The following TENM1 variants were observed in gnomAD, a reference collection of about 807,000 sequenced individuals.
TENM1 encodes teneurin transmembrane protein 1.
Under a neutral mutation model 174.8 loss-of-function variants are expected in TENM1, and 35 were observed. The observed-to-expected ratio is 0.20, with a 90% CI of 0.15 to 0.27. TENM1 has a LOEUF of 0.27. Among genes scored for constraint, TENM1 ranks in the 10% least tolerant of loss-of-function variants. The pLI, the probability that TENM1 is intolerant of heterozygous loss-of-function variation, is 1.00. For missense variants in TENM1, 1,633 were observed against 2,130.1 expected (o/e 0.77, Z 4.59); for synonymous variants, 781 against 798.7 (o/e 0.98, Z 0.37).
intron 3 of TENM1, among the ~76,000 whole-genome samples, chrX:124,819,624 A>C (rs1340314553): frequency 9.0e-6 from 1 of 110,850 alleles, no homozygotes; most frequent in Non-Finnish European, 1.9e-5. Flanking sequence ...AGGGTGGGGG[A>C]AACTGTTTCT....
At chrX:124,631,891 AAAAAAAAAAAAAAAAAAAT>A (rs1241477148) in intron 11 of TENM1, among the ~76,000 whole-genome samples, 1 of 100,501 alleles carries the variant, frequency 1.0e-5, no homozygotes, top group Non-Finnish European at 2.0e-5. Flanking sequence ...TCTGTCTCAA[AAAAAAAAAAAAAAAAAAAT>A]CCATACAGTT....
chrX:124,822,961 A>G (rs757383227), intron 3 of TENM1, among the ~76,000 whole-genome samples: 5 of 112,425 alleles, frequency 4.4e-5, no homozygotes, highest in African/African-American at 6.5e-5. Flanking sequence ...AGATATAGGA[A>G]AGTAATGGAT....
chrX:124,885,041 T>C (rs183227379), intron 3 of TENM1, among the ~76,000 whole-genome samples: 1 of 111,670 alleles, frequency 9.0e-6, no homozygotes, highest in East Asian at 2.8e-4. Context: ...TTTATGCATC[T>C]AAATATATCT....
At chrX:124,609,704 C>T (rs1012657175) in intron 11 of TENM1, among the ~76,000 whole-genome samples, 2 of 111,372 alleles carry the variant, frequency 1.8e-5, no homozygotes, top group African/African-American at 3.3e-5. Context: ...GTAGTGAAAA[C>T]CTACAGTGCA....
intron 23 of TENM1, among the ~76,000 whole-genome samples, chrX:124,436,889 CCT>C (rs1481719856): frequency 9.3e-6 from 1 of 107,615 alleles, no homozygotes; most frequent in East Asian, 2.9e-4. Context: ...TATATTAAAT[CCT>C]CTCTGTTAAA....
chrX:124,582,478 TA>T (rs1344905902), intron 11 of TENM1, among the ~76,000 whole-genome samples: 20 of 112,276 alleles, frequency 1.8e-4, no homozygotes, highest in Non-Finnish European at 3.4e-4. Flanking sequence ...TTAAGTATTT[TA>T]TTTTTTTGTG....
chrX:125,186,526 C>T, the TENM1 span, among the ~76,000 whole-genome samples: 4 of 108,751 alleles, frequency 3.7e-5, no homozygotes, highest in Non-Finnish European at 7.6e-5. Flanking sequence ...GCGTGGTGCC[C>T]TTATCATGCA....
At chrX:124,904,263 G>A (rs1277275879) in intron 1 of TENM1, among the ~76,000 whole-genome samples, 2 of 111,679 alleles carry the variant, frequency 1.8e-5, no homozygotes, top group Non-Finnish European at 3.8e-5. Flanking sequence ...ACTTTGTGAT[G>A]AATGAGTAAA....
chrX:124,399,371 C>T (rs982686318), intron 27 of TENM1, among the ~76,000 whole-genome samples: 2 of 112,089 alleles, frequency 1.8e-5, no homozygotes, highest in Admixed American at 1.9e-4. Flanking sequence ...TAATATATTG[C>T]ACCATCCATG....
chrX:125,023,041 G>A, the TENM1 span, among the ~76,000 whole-genome samples: 8 of 111,158 alleles, frequency 7.2e-5, no homozygotes, highest in Non-Finnish European at 1.5e-4. Context: ...TACACCATTT[G>A]GCTAAGTTTT....
intron 3 of TENM1, among the ~76,000 whole-genome samples, chrX:124,767,530 G>T (rs1490534296): frequency 1.8e-5 from 2 of 111,552 alleles, no homozygotes; most frequent in Admixed American, 9.6e-5. Flanking sequence ...GTGGTCATAA[G>T]AATTTTTAGA....
chrX:124,606,187 T>A (rs1263221134), intron 11 of TENM1, among the ~76,000 whole-genome samples: 2 of 110,944 alleles, frequency 1.8e-5, no homozygotes, highest in Non-Finnish European at 3.8e-5. Flanking sequence ...ATCTACTGAG[T>A]CAAAATGTGA....
the TENM1 span, among the ~76,000 whole-genome samples, chrX:125,180,477 C>A: frequency 9.7e-6 from 1 of 103,173 alleles, no homozygotes; most frequent in African/African-American, 3.5e-5. Context: ...TTGAGACCAT[C>A]GTGGGCAACA....
intron 3 of TENM1, among the ~76,000 whole-genome samples, chrX:124,888,022 C>A (rs1183981816): frequency 1.8e-5 from 2 of 111,801 alleles, no homozygotes; most frequent in Non-Finnish European, 3.8e-5. Context: ...TGTACATGGT[C>A]AAATATCAGA....
intron 19 of TENM1, among the ~76,000 whole-genome samples, chrX:124,498,909 T>C (rs988904151): frequency 1.8e-5 from 2 of 111,361 alleles, no homozygotes; most frequent in Non-Finnish European, 3.8e-5. Flanking sequence ...TCGGTAAATG[T>C]TGAAAATAGG....
chrX:124,654,260 T>C (rs2051382602), intron 6 of TENM1, among the ~76,000 whole-genome samples: 1 of 112,736 alleles, frequency 8.9e-6, no homozygotes. Context: ...TCTTCTTGTA[T>C]TTCTCCTTAG....
chrX:124,984,876 C>T, the TENM1 span, among the ~76,000 whole-genome samples: 1 of 112,013 alleles, frequency 8.9e-6, no homozygotes, highest in Non-Finnish European at 1.9e-5. Context: ...TTCACTGATA[C>T]AAAGCTAGGG....
intron 11 of TENM1, among the ~76,000 whole-genome samples, chrX:124,612,589 A>T (rs192976610): frequency 1.8e-3 from 204 of 111,632 alleles, no homozygotes; most frequent in Middle Eastern, 9.2e-3. Context: ...ACAAATTCCC[A>T]AAAGAGAAGA....
chrX:125,091,166 A>G, the TENM1 span, among the ~76,000 whole-genome samples: 1 of 111,117 alleles, frequency 9.0e-6, no homozygotes, highest in Non-Finnish European at 1.9e-5. Flanking sequence ...GAAAGAAAAA[A>G]AAGATGAAAA....
Sources: gnomAD v4.1 joint callset for allele counts (sites outside exome capture counted in the v4.1 genomes callset) on GRCh38, gnomAD v4.1.1 for gene constraint, MANE v1.5 for transcripts, NCBI Gene and HGNC (gene_info 2026-07-23, HGNC 2026-07-21) for gene names.